FGF13: variants seen among roughly 807,000 people sequenced by gnomAD.
FGF13 encodes fibroblast growth factor homologous factor 2.
FGF13 carries 2 observed loss-of-function variants against 19.5 expected under a neutral mutation model. That is an observed-to-expected ratio of 0.10 (90% CI 0.04 to 0.32). The LOEUF is 0.32. FGF13 is among the 10% of genes least tolerant of loss of function. FGF13 has a pLI of 1.00. For missense variants in FGF13, 113 were observed against 192.7 expected (o/e 0.59, Z 2.45); for synonymous variants, 72 against 76.9 (o/e 0.94, Z 0.33).
At chrX:138,765,482 C>T (rs146252043) in intron 3 of FGF13, among the ~76,000 whole-genome samples, 1,674 of 112,054 alleles carry the variant, frequency 0.015, 18 homozygotes, top group African/African-American at 0.051. Context: ...GTCCCAGTGC[C>T]CATTTGTTAT....
chrX:138,731,596 T>C (rs1237625634), intron 1 of FGF13, among the ~76,000 whole-genome samples: 1 of 110,429 alleles, frequency 9.1e-6, no homozygotes, highest in African/African-American at 3.3e-5. Flanking sequence ...AAGAAAGTTA[T>C]AAAATAAATG....
At chrX:139,175,422 G>A (rs948024991) in intron 1 of FGF13, among the ~76,000 whole-genome samples, 1 of 111,320 alleles carries the variant, frequency 9.0e-6, no homozygotes, top group African/African-American at 3.3e-5. Context: ...GCCCTGGCCA[G>A]AACTTCCAAT....
intron 1 of FGF13, among the ~76,000 whole-genome samples, chrX:138,905,731 G>A (rs1484574848): frequency 8.9e-6 from 1 of 112,260 alleles, no homozygotes; most frequent in Admixed American, 9.4e-5. Flanking sequence ...CTTTAAGTTG[G>A]GAAACGTGGT....
At chrX:139,000,185 T>G (rs1443162834) in intron 1 of FGF13, among the ~76,000 whole-genome samples, 1 of 111,929 alleles carries the variant, frequency 8.9e-6, no homozygotes, top group African/African-American at 3.3e-5. Flanking sequence ...GGAATGTATC[T>G]CAAAATAATA....
intron 3 of FGF13, among the ~76,000 whole-genome samples, chrX:138,686,742 G>C (rs2089786898): frequency 9.0e-6 from 1 of 111,463 alleles, no homozygotes; most frequent in Non-Finnish European, 1.9e-5. Flanking sequence ...CAAACAAACT[G>C]TGTAAATGAC....
intron 1 of FGF13, among the ~76,000 whole-genome samples, chrX:138,731,684 A>G (rs1159607187): frequency 9.0e-5 from 10 of 110,978 alleles, no homozygotes; most frequent in African/African-American, 3.3e-4. Flanking sequence ...AATAAAAATG[A>G]GAAAGGAAAT....
chrX:138,654,740 C>T (rs1439443047), intron 3 of FGF13, among the ~76,000 whole-genome samples: 2 of 95,485 alleles, frequency 2.1e-5, no homozygotes, highest in African/African-American at 8.1e-5. Context: ...AACTCCGGCT[C>T]AAAAATACAT....
At chrX:138,890,113 G>A (rs984496746) in intron 1 of FGF13, among the ~76,000 whole-genome samples, 9 of 110,501 alleles carry the variant, frequency 8.1e-5, no homozygotes, top group Admixed American at 4.8e-4. Context: ...ATTTTTGGTA[G>A]AGATATGGTT....
intron 3 of FGF13, among the ~76,000 whole-genome samples, chrX:138,774,591 C>T (rs2090574082): frequency 9.0e-6 from 1 of 111,583 alleles, no homozygotes. Context: ...CCTCTCATAG[C>T]ACCTCCACAA....
chrX:138,940,194 C>G (rs2091751202), intron 1 of FGF13, among the ~76,000 whole-genome samples: 1 of 111,137 alleles, frequency 9.0e-6, no homozygotes, highest in South Asian at 3.8e-4. Flanking sequence ...TTTTTTATAT[C>G]CTTATTGGCC....
intron 1 of FGF13, among the ~76,000 whole-genome samples, chrX:139,034,502 G>A (rs1463141620): frequency 9.0e-6 from 1 of 111,249 alleles, no homozygotes; most frequent in Non-Finnish European, 1.9e-5. Context: ...TGGGAATGGA[G>A]GGGAGGGGAA....
chrX:139,054,902 GTAT>G (rs1319538207), intron 1 of FGF13, among the ~76,000 whole-genome samples: 2,177 of 88,748 alleles, frequency 0.025, 48 homozygotes, highest in African/African-American at 0.07. Flanking sequence ...GTGTTGTGTT[GTAT>G]TGTATTGTAT....
rs959400748 is a variant in FGF13, at chrX:138,616,258, G to A, written c.*16592C>T. 5.3e-5 allele frequency: 6 copies of A among 112,529 alleles called. No homozygotes were observed. The highest frequency in any genetic ancestry group is 4.7e-4 in the Admixed American group (5 of 10,613). 9.3% of individuals were successfully genotyped at this position (112,529 alleles called of 1,213,427 possible). A position where few individuals can be genotyped will look rare whatever the true frequency, so the allele number is the denominator to read the frequency against. On this transcript the variant is annotated 3_prime_UTR_variant, in exon 5 of 5. Coordinates refer to ENST00000315930, the MANE Select transcript of FGF13 (RefSeq NM_004114.5). ...TTAGTTATTTCCAAGATACAATGGG[G>A]GTACAGGAATTGAGTAAAAATACCC...
chrX:139,085,051 A>G (rs184227087), intron 1 of FGF13, among the ~76,000 whole-genome samples: 177 of 111,959 alleles, frequency 1.6e-3, no homozygotes, highest in African/African-American at 5.5e-3. Context: ...ACAGAAATTA[A>G]CTATAGGCAG....
At chrX:138,805,055 C>T (rs1027091425) in intron 3 of FGF13, among the ~76,000 whole-genome samples, 8 of 111,529 alleles carry the variant, frequency 7.2e-5, no homozygotes, top group South Asian at 3.7e-4. Context: ...TTTCTTGACA[C>T]GAATCAAATT....
intron 1 of FGF13, among the ~76,000 whole-genome samples, chrX:139,086,896 T>G (rs765710400): frequency 1.1e-3 from 123 of 112,892 alleles, no homozygotes; most frequent in African/African-American, 3.6e-3. Context: ...CTTTTCACTT[T>G]GCTGGGGAGA....
intron 1 of FGF13, chrX:138,984,962 A>G (rs1050855656): frequency 6.0e-6 from 2 of 332,153 alleles, no homozygotes; most frequent in Admixed American, 3.2e-5. Context: ...AATAGGATAA[A>G]GGCAGTTTGG....
chrX:138,756,069 G>C (rs1375962106), intron 3 of FGF13, among the ~76,000 whole-genome samples: 2 of 112,032 alleles, frequency 1.8e-5, no homozygotes, highest in Non-Finnish European at 3.8e-5. Context: ...CCATCTGTAA[G>C]CCAAGGAGAG....
intron 3 of FGF13, among the ~76,000 whole-genome samples, chrX:138,790,359 TG>T (rs1011091755): frequency 9.1e-6 from 1 of 110,280 alleles, no homozygotes; most frequent in African/African-American, 3.3e-5. Flanking sequence ...ATCATCACAT[TG>T]GGATTAGAGT....
Sources: gnomAD v4.1 joint callset for allele counts (sites outside exome capture counted in the v4.1 genomes callset) on GRCh38, gnomAD v4.1.1 for gene constraint, MANE v1.5 for transcripts, NCBI Gene and HGNC (gene_info 2026-07-23, HGNC 2026-07-21) for gene names.